The following RBFOX1 variants were observed in gnomAD, a reference collection of about 807,000 sequenced individuals.
The protein encoded by RBFOX1 is RNA binding fox-1 homolog 1.
Under a neutral mutation model 57.7 loss-of-function variants are expected in RBFOX1, and 8 were observed. That is an observed-to-expected ratio of 0.14 (90% CI 0.08 to 0.25). The LOEUF (loss-of-function observed/expected upper bound fraction) is 0.25, where lower values mean the gene tolerates loss of function less well. Ranked by LOEUF, RBFOX1 falls within the 10% of genes least tolerant of loss-of-function variation. RBFOX1 has a pLI of 1.00. For synonymous variants in RBFOX1, 326 were observed against 222.4 expected (o/e 1.47, Z -4.15); for missense variants, 611 against 548.5 (o/e 1.11, Z -1.14).
At chr16:7,276,873 T>C (rs1423569325) in intron 4 of RBFOX1, among the ~76,000 whole-genome samples, 3 of 152,218 alleles carry the variant, frequency 2.0e-5, no homozygotes, top group African/African-American at 7.2e-5. Flanking sequence ...TAATTATGTG[T>C]AAATTATCTG....
chr16:5,427,026 G>T (rs2067581515), intron 1 of RBFOX1, among the ~76,000 whole-genome samples: 1 of 152,024 alleles, frequency 6.6e-6, no homozygotes, highest in Admixed American at 6.5e-5. Flanking sequence ...CTCCTTTCAT[G>T]CCACCTCCTC....
intron 4 of RBFOX1, among the ~76,000 whole-genome samples, chr16:7,324,956 C>T (rs372840668): frequency 6.6e-6 from 1 of 152,134 alleles, no homozygotes; most frequent in East Asian, 1.9e-4. Flanking sequence ...AGCCATATAC[C>T]TATCCTTTGT....
At chr16:6,849,627 C>A (rs546084870) in intron 3 of RBFOX1, among the ~76,000 whole-genome samples, 1 of 152,118 alleles carries the variant, frequency 6.6e-6, no homozygotes, top group African/African-American at 2.4e-5. Context: ...TGAGATTGTA[C>A]CACTGTACTG....
chr16:7,229,413 C>T (rs1032858021), intron 4 of RBFOX1, among the ~76,000 whole-genome samples: 1 of 152,032 alleles, frequency 6.6e-6, no homozygotes, highest in Non-Finnish European at 1.5e-5. Context: ...CAGAAAGGGC[C>T]TAGTCACATC....
chr16:5,970,208 T>C (rs374928777), intron 4 of RBFOX1, among the ~76,000 whole-genome samples: 1 of 152,194 alleles, frequency 6.6e-6, no homozygotes, highest in African/African-American at 2.4e-5. Context: ...ACTTATATCT[T>C]GACATTCATG....
chr16:7,709,254 C>T (rs2083475754), intron 15 of RBFOX1, 123 bp downstream of exon 15: 17 of 1,059,646 alleles, frequency 1.6e-5, no homozygotes, highest in East Asian at 5.2e-5. Flanking sequence ...CTTGTGCTAA[C>T]AGCAGCTAAA....
intron 3 of RBFOX1, among the ~76,000 whole-genome samples, chr16:6,971,041 T>C (rs920360364): frequency 3.3e-5 from 5 of 152,202 alleles, no homozygotes; most frequent in African/African-American, 1.2e-4. Context: ...CCATACTATC[T>C]AATCTGTCCA....
intron 14 of RBFOX1, among the ~76,000 whole-genome samples, chr16:7,706,960 C>T (rs1300591686): frequency 6.6e-6 from 1 of 152,098 alleles, no homozygotes; most frequent in African/African-American, 2.4e-5. Context: ...TGTTTTTCCT[C>T]CCAGAAAGAA....
At chr16:6,514,275 C>T (rs576702061) in intron 2 of RBFOX1, among the ~76,000 whole-genome samples, 1 of 152,242 alleles carries the variant, frequency 6.6e-6, no homozygotes, top group East Asian at 1.9e-4. Context: ...GCAATCCTTT[C>T]CACTTCATCT....
chr16:6,632,312 T>C (rs751196054), intron 2 of RBFOX1, among the ~76,000 whole-genome samples: 11 of 151,584 alleles, frequency 7.3e-5, no homozygotes, highest in Non-Finnish European at 1.2e-4. Flanking sequence ...TTGCACCAGT[T>C]GTAATAAAGA....
chr16:5,953,525 C>T (rs1472198872), intron 4 of RBFOX1, among the ~76,000 whole-genome samples: 2 of 152,046 alleles, frequency 1.3e-5, no homozygotes, highest in Non-Finnish European at 2.9e-5. Flanking sequence ...CCAAAGTCCA[C>T]TGGGTCATTC....
chr16:7,342,497 C>G (rs892877789), intron 4 of RBFOX1, among the ~76,000 whole-genome samples: 2 of 152,196 alleles, frequency 1.3e-5, no homozygotes, highest in Non-Finnish European at 2.9e-5. Flanking sequence ...AACTGATTGC[C>G]AGCAGTGTTG....
intron 3 of RBFOX1, among the ~76,000 whole-genome samples, chr16:5,673,269 T>C (rs2050069551): frequency 6.6e-6 from 1 of 152,002 alleles, no homozygotes; most frequent in Non-Finnish European, 1.5e-5. Context: ...GCAACCCACA[T>C]TACAGGGTCA....
chr16:6,979,268 T>G (rs1042017781), intron 3 of RBFOX1, among the ~76,000 whole-genome samples: 2 of 152,270 alleles, frequency 1.3e-5, no homozygotes, highest in Admixed American at 6.5e-5. Context: ...AGTAAAAACC[T>G]TAGAGGATTC....
chr16:7,319,204 G>A (rs564261583), intron 4 of RBFOX1, among the ~76,000 whole-genome samples: 2 of 152,080 alleles, frequency 1.3e-5, no homozygotes, highest in Admixed American at 6.6e-5. Context: ...GGTCTGTGCC[G>A]TAATCCTAAA....
chr16:6,508,170 G>T lies in RBFOX1; in HGVS notation c.-63-146433G>T, dbSNP rs552256148. Among the ~76,000 whole-genome samples the T allele has an allele frequency of 3.3e-5, 5 of 152,192 alleles. No homozygotes were observed. The East Asian group carries it at 5.8e-4, about 18-fold the overall frequency. ...TAAGTGAGAGCTAAATGATGAGAAC[G>T]CATGGACACATAGAGTGAAACAACA... On this transcript the variant is annotated intron_variant, in intron 2 of 15. Transcript: ENST00000550418.
At chr16:5,619,015 T>G (rs1454790933) in intron 3 of RBFOX1, among the ~76,000 whole-genome samples, 1 of 152,040 alleles carries the variant, frequency 6.6e-6, no homozygotes, top group Admixed American at 6.5e-5. Flanking sequence ...CCAGGCTATT[T>G]AGGAGGAATG....
chr16:6,358,143 G>A (rs757430395), intron 2 of RBFOX1, among the ~76,000 whole-genome samples: 42 of 152,102 alleles, frequency 2.8e-4, no homozygotes, highest in Non-Finnish European at 5.0e-4. Context: ...TGTGGAAGTC[G>A]TTTAACCTCC....
intron 1 of RBFOX1, among the ~76,000 whole-genome samples, chr16:6,239,485 C>CTTTTTTTTT (rs59244306): frequency 1.5e-5 from 1 of 67,774 alleles, no homozygotes; most frequent in African/African-American, 5.6e-5. Context: ...CCAACTGACT[C>CTTTTTTTTT]TTTTTTTTTT....
Sources: gnomAD v4.1 joint callset for allele counts (sites outside exome capture counted in the v4.1 genomes callset) on GRCh38, gnomAD v4.1.1 for gene constraint, MANE v1.5 for transcripts, NCBI Gene and HGNC (gene_info 2026-07-23, HGNC 2026-07-21) for gene names.